LHX4: variants seen among roughly 807,000 people sequenced by gnomAD.
LHX4 encodes LIM homeobox 4.
In LHX4, 16 loss-of-function variants were observed where a neutral mutation model predicts 39.2. The ratio of observed to expected loss-of-function variants is 0.41; its 90% CI spans 0.28 to 0.62. The LOEUF is 0.62. LHX4 is among the 20% of genes least tolerant of loss of function. LHX4 has a pLI of 0.33. For missense variants in LHX4, 439 were observed against 511.9 expected (o/e 0.86, Z 1.37); for synonymous variants, 206 against 198.1 (o/e 1.04, Z -0.33).
rs1281331740 is a variant in LHX4, at chr1:180,273,054, C to G, written c.778+1048C>G. On this transcript the variant is annotated intron_variant, in intron 5 of 5. Coordinates refer to ENST00000263726, the MANE Select transcript of LHX4 (RefSeq NM_033343.4). ...TCCCTTTAAAGAGCATGAGCTCCCCCCACCATGTTTTTTCATAAGGGGAAT... is the reference window on the plus strand; with the variant it reads ...TCCCTTTAAAGAGCATGAGCTCCCCGCACCATGTTTTTTCATAAGGGGAAT... 5 of 152,250 alleles carry G rather than the reference C, an allele frequency of 3.3e-5. No individual in the cohort carries two copies. In the South Asian group the frequency reaches 1.0e-3, roughly 32 times the overall value. 9.4% of individuals were successfully genotyped at this position (152,250 alleles called of 1,614,324 possible).
At chr1:180,240,458 T>C (rs1664420820) in intron 1 of LHX4, among the ~76,000 whole-genome samples, 1 of 152,384 alleles carries the variant, frequency 6.6e-6, no homozygotes, top group South Asian at 2.1e-4. Context: ...TAAATATATT[T>C]TAGAAGTCAT....
chr1:180,229,962 GGA>G (rs1491376759), upstream of LHX4, among the ~76,000 whole-genome samples: 5 of 28,424 alleles, frequency 1.8e-4, no homozygotes, highest in South Asian at 1.7e-3. Flanking sequence ...GCGGAGGCGG[GGA>G]GGGGGGGGGG....
intron 2 of LHX4, among the ~76,000 whole-genome samples, chr1:180,262,553 G>A (rs1056645524): frequency 1.3e-5 from 2 of 151,944 alleles, no homozygotes; most frequent in African/African-American, 4.8e-5. Context: ...ACTTACCAAA[G>A]TATGCAACTT....
chr1:180,273,754 G>A (rs1440208194), intron 5 of LHX4: 4 of 231,392 alleles, frequency 1.7e-5, no homozygotes, highest in Non-Finnish European at 3.5e-5. Context: ...ATATGGGCCT[G>A]CTTGCTTCCC....
chr1:180,231,554 TCGCGCG>T (rs3041737), intron 1 of LHX4, among the ~76,000 whole-genome samples: 49 of 132,660 alleles, frequency 3.7e-4, no homozygotes, highest in African/African-American at 7.7e-4. Context: ...TGCCCAGTCG[TCGCGCG>T]CGCGCGCGCG....
At chr1:180,271,304 T>C in intron 3 of LHX4, 76 bp from the exon 4 acceptor site, 1 of 1,515,944 alleles carries the variant, frequency 6.6e-7, no homozygotes, top group Non-Finnish European at 9.2e-7. Flanking sequence ...GCAGAAAGGA[T>C]GGAAGGGAGG....
chr1:180,246,084 G>T (rs1236785887), intron 1 of LHX4, among the ~76,000 whole-genome samples: 1 of 152,210 alleles, frequency 6.6e-6, no homozygotes, highest in African/African-American at 2.4e-5. Context: ...GGATATTTTG[G>T]TCTGAGAAAG....
chr1:180,262,070 T>TG (rs1190884288), intron 2 of LHX4, among the ~76,000 whole-genome samples: 3 of 152,172 alleles, frequency 2.0e-5, no homozygotes, highest in Admixed American at 2.0e-4. Flanking sequence ...GGCTGAGGCT[T>TG]GGCCATCTAG....
At position 180,230,667 on chromosome 1, in the gene LHX4, T is replaced by TGCGGG. The variant is rs1664155695; in HGVS notation, c.76+68_76+72dup. 4.6e-6 allele frequency: 7 copies of TGCGGG among 1,515,248 alleles called. No individual in the cohort carries two copies. Among genetic ancestry groups the TGCGGG allele is most frequent in the Non-Finnish European group, 6.4e-6 (7 of 1,095,690 alleles). The allele number at this position is 1,515,248 out of a possible 1,614,324, so 93.9% of individuals were successfully genotyped here. A position where few individuals can be genotyped will look rare whatever the true frequency, so the allele number is the denominator to read the frequency against. ...CAAGACAGCTAGCAGCCTCAGCCGC[T>TGCGGG]GCGGGGCGGGCCGGACGCCGCTCAG... On this transcript the variant is annotated intron_variant, in intron 1 of 5. Coordinates refer to ENST00000263726, the MANE Select transcript of LHX4 (RefSeq NM_033343.4). The surrounding 1 kb of genome is among the most constrained non-coding windows in gnomAD (Gnocchi z 5.8).
chr1:180,262,072 GC>G (rs1648132835), intron 2 of LHX4, among the ~76,000 whole-genome samples: 1 of 152,128 alleles, frequency 6.6e-6, no homozygotes. Context: ...CTGAGGCTTG[GC>G]CATCTAGCAT....
At chr1:180,231,619 C>T (rs2149250804) in intron 1 of LHX4, among the ~76,000 whole-genome samples, 1 of 148,722 alleles carries the variant, frequency 6.7e-6, no homozygotes, top group Non-Finnish European at 1.5e-5. Context: ...CTTGCACGCT[C>T]AGCAGGGCGC....
chr1:180,269,149 G>T (rs968223783), intron 3 of LHX4, among the ~76,000 whole-genome samples: 1 of 145,338 alleles, frequency 6.9e-6, no homozygotes, highest in Non-Finnish European at 1.5e-5. Flanking sequence ...GTGGGGGGGG[G>T]GGTGGTATAT....
intron 1 of LHX4, among the ~76,000 whole-genome samples, chr1:180,238,305 G>A (rs537005855): frequency 5.9e-5 from 9 of 152,292 alleles, no homozygotes; most frequent in Non-Finnish European, 1.0e-4. Flanking sequence ...GAAGGATTCC[G>A]GAAAGCAAGT....
chr1:180,272,861 G>A (rs1648762934), intron 5 of LHX4: 1 of 152,236 alleles, frequency 6.6e-6, no homozygotes, highest in South Asian at 2.1e-4. Context: ...AACCAACTGT[G>A]GATGTGCTTG....
chr1:180,274,787 A>C lies in LHX4; in HGVS notation c.*208A>C. On this transcript the variant is annotated 3_prime_UTR_variant, in exon 6 of 6. Coordinates refer to ENST00000263726, the MANE Select transcript of LHX4 (RefSeq NM_033343.4). ...AGCAGTGGGAGAGCAGACTCATCTC[A>C]GAACACAGCACAGGGGGTAATGGCC... 1 of 592,108 alleles carries C rather than the reference A, an allele frequency of 1.7e-6. No homozygotes were observed. Among genetic ancestry groups the C allele is most frequent in the Non-Finnish European group, 2.9e-6 (1 of 342,144 alleles). 36.7% of individuals were successfully genotyped at this position (592,108 alleles called of 1,614,324 possible). A position where few individuals can be genotyped will look rare whatever the true frequency, so the allele number is the denominator to read the frequency against.
intron 2 of LHX4, among the ~76,000 whole-genome samples, chr1:180,259,602 A>T (rs1171351280): frequency 6.6e-6 from 1 of 151,348 alleles, no homozygotes; most frequent in Non-Finnish European, 1.5e-5. Context: ...AGCGGGTGGG[A>T]GGTGCATTCT....
In LHX4 at chr1:180,230,425, C is replaced by A. The variant is rs1571250377; in HGVS notation, c.-105C>A. On this transcript the variant is annotated 5_prime_UTR_variant, in exon 1 of 6. Transcript: ENST00000263726. The surrounding 1 kb of genome is among the most constrained non-coding windows in gnomAD (Gnocchi z 5.8). ...GGCCCGGCTTCCACCGTGACTCCAGCGGCCTGCTTGGGGTTTTAATTATTA... is the reference window on the plus strand; with the variant it reads ...GGCCCGGCTTCCACCGTGACTCCAGAGGCCTGCTTGGGGTTTTAATTATTA... 2.0e-6 allele frequency: 2 copies of A among 991,660 alleles called. No homozygotes were observed. Among genetic ancestry groups the A allele is most frequent in the Non-Finnish European group, 3.1e-6 (2 of 645,116 alleles). 61.4% of individuals were successfully genotyped at this position (991,660 alleles called of 1,614,324 possible).
intron 2 of LHX4, among the ~76,000 whole-genome samples, chr1:180,263,280 C>T (rs920063016): frequency 4.6e-5 from 7 of 152,220 alleles, no homozygotes; most frequent in African/African-American, 1.7e-4. Flanking sequence ...CTCATTATTG[C>T]CTGTCGCAGG....
At chr1:180,246,016 A>C (rs1163800152) in intron 1 of LHX4, among the ~76,000 whole-genome samples, 1 of 152,208 alleles carries the variant, frequency 6.6e-6, no homozygotes, top group East Asian at 1.9e-4. Flanking sequence ...AGAAAAAAAA[A>C]AAAGAATCCT....
Sources: gnomAD v4.1 joint callset for allele counts (sites outside exome capture counted in the v4.1 genomes callset) on GRCh38, gnomAD v4.1.1 for gene constraint, Gnocchi (gnomAD v3.1) non-coding constraint, MANE v1.5 for transcripts, NCBI Gene and HGNC (gene_info 2026-07-23, HGNC 2026-07-21) for gene names.